Variants in HDHD2 observed in about 807,000 individuals in gnomAD.
The protein encoded by HDHD2 is haloacid dehalogenase-like hydrolase domain-containing protein 2.
In HDHD2, 26 loss-of-function variants were observed where a neutral mutation model predicts 24.8. The observed-to-expected ratio is 1.05, with a 90% CI of 0.77 to 1.45. HDHD2 has a LOEUF of 1.45. Among genes scored for constraint, HDHD2 ranks in the 40% most tolerant of loss-of-function variants. HDHD2 has a pLI of 0.00. For missense variants in HDHD2, 299 were observed against 313.4 expected, an observed-to-expected ratio of 0.95 and a Z score of 0.35; for synonymous variants, 128 against 114.9, an observed-to-expected ratio of 1.11 and a Z score of -0.73.
chr18:47,114,000 C>CT (rs2063537100), intron 5 of HDHD2, among the ~76,000 whole-genome samples: 1 of 152,184 alleles, frequency 6.6e-6, no homozygotes, highest in Non-Finnish European at 1.5e-5. Context: ...TGCAGCACAG[C>CT]TGTTGCATCC....
At chr18:47,149,102 T>C (rs2063903188) in intron 1 of HDHD2, 1 of 152,192 alleles carries the variant, frequency 6.6e-6, no homozygotes, top group Non-Finnish European at 1.5e-5. Flanking sequence ...GTTATGTATG[T>C]GGAGGGCTGG....
intron 1 of HDHD2, among the ~76,000 whole-genome samples, chr18:47,138,171 CAAAAAAAAAA>C (rs58644217): frequency 1.8e-3 from 101 of 54,916 alleles, no homozygotes; most frequent in South Asian, 0.017. Flanking sequence ...GATTCTGTCG[CAAAAAAAAAA>C]AAAAAAAAAA....
chr18:47,137,154 A>G, intron 1 of HDHD2: 1 of 721,852 alleles, frequency 1.4e-6, no homozygotes, highest in Non-Finnish European at 2.6e-6. Flanking sequence ...CTAATGAAAG[A>G]CTATTGTGAA....
intron 3 of HDHD2, among the ~76,000 whole-genome samples, chr18:47,133,560 T>C: frequency 6.6e-6 from 1 of 150,534 alleles, no homozygotes; most frequent in South Asian, 2.1e-4. Context: ...CGCCACACTG[T>C]CTTCCACAAT....
intron 4 of HDHD2, among the ~76,000 whole-genome samples, chr18:47,129,564 C>CTTCA (rs2063692068): frequency 6.6e-6 from 1 of 152,120 alleles, no homozygotes; most frequent in Non-Finnish European, 1.5e-5. Context: ...ATCTGTTTTT[C>CTTCA]TTCATCTCCA....
At chr18:47,139,520 G>T (rs2063800805) in intron 1 of HDHD2, among the ~76,000 whole-genome samples, 2 of 144,716 alleles carry the variant, frequency 1.4e-5, no homozygotes, top group African/African-American at 5.1e-5. Flanking sequence ...ATAAATGTAA[G>T]TAAGTGTTTC....
chr18:47,116,043 TC>T (rs1226806660), intron 4 of HDHD2, among the ~76,000 whole-genome samples: 1 of 152,148 alleles, frequency 6.6e-6, no homozygotes, highest in African/African-American at 2.4e-5. Context: ...TAAAGAGTTT[TC>T]CCATTATTTT....
At chr18:47,136,487 G>A (rs1264662742) in intron 1 of HDHD2, 38 bp from the exon 2 acceptor site, 10 of 1,560,200 alleles carry the variant, frequency 6.4e-6, no homozygotes, top group Non-Finnish European at 8.8e-6. Context: ...TACAGTTTAG[G>A]AAACAATGGA....
intron 4 of HDHD2, among the ~76,000 whole-genome samples, chr18:47,122,178 G>A (rs1043459556): frequency 5.3e-5 from 8 of 152,168 alleles, no homozygotes; most frequent in African/African-American, 1.9e-4. Context: ...AATCATGGAT[G>A]AACCTCTGCA....
At position 47,112,992 on chromosome 18, in the gene HDHD2, T is replaced by C. The variant is rs769617060; in HGVS notation, c.661A>G (p.Ile221Val). ...GGAQDVGMLG[I>V]LVKTGKYRAS... ...AGATACATACCAGTCTTTACTAAGA[T>C]GCCCAGCATGCCGACATCTTGAGCC... Residue 221 changes from isoleucine to valine, a missense_variant, in exon 6 of 7, where the codon ATC becomes GTC. Coordinates refer to ENST00000300605, the MANE Select transcript of HDHD2 (RefSeq NM_032124.5). 1.5e-5 allele frequency: 25 copies of C among 1,613,896 alleles called. No homozygotes were observed. Among genetic ancestry groups the C allele is most frequent in the Non-Finnish European group, 1.9e-5 (22 of 1,179,862 alleles).
intron 6 of HDHD2, chr18:47,111,539 C>T (rs2063516337): frequency 1.0e-6 from 1 of 985,238 alleles, no homozygotes; most frequent in Non-Finnish European, 1.2e-6. Flanking sequence ...CTTTTCCAGA[C>T]TTCATTTCAT....
chr18:47,110,535 T>C (rs1272961965), intron 6 of HDHD2: 1 of 985,208 alleles, frequency 1.0e-6, no homozygotes, highest in African/African-American at 1.7e-5. Context: ...TTCCTAGCCA[T>C]GGAGTTAAAG....
chr18:47,109,810 T>G, intron 6 of HDHD2: 1 of 203,068 alleles, frequency 4.9e-6, no homozygotes, highest in Non-Finnish European at 8.7e-6. Context: ...TAATTATGCA[T>G]TTATTTGTTT....
chr18:47,137,915 A>C (rs557693506), intron 1 of HDHD2, among the ~76,000 whole-genome samples: 5 of 151,434 alleles, frequency 3.3e-5, no homozygotes, highest in African/African-American at 9.7e-5. Flanking sequence ...GCAGTGGCTT[A>C]GCACTTTTGG....
intron 6 of HDHD2, chr18:47,110,467 A>C (rs2063506740): frequency 1.0e-6 from 1 of 984,934 alleles, no homozygotes; most frequent in Non-Finnish European, 1.2e-6. Context: ...TTAATGACTA[A>C]ATATTACTAT....
At chr18:47,142,914 T>C (rs2063832703) in intron 1 of HDHD2, among the ~76,000 whole-genome samples, 1 of 152,190 alleles carries the variant, frequency 6.6e-6, no homozygotes, top group Non-Finnish European at 1.5e-5. Flanking sequence ...TCTAACTTTT[T>C]CTAAAGGTTC....
intron 4 of HDHD2, among the ~76,000 whole-genome samples, chr18:47,123,828 C>G (rs917106876): frequency 5.3e-5 from 8 of 152,162 alleles, no homozygotes; most frequent in Non-Finnish European, 1.0e-4. Flanking sequence ...AAGGAAGGAT[C>G]AAACTCCCAG....
rs1175794654 is a variant in HDHD2, at chr18:47,129,709, A to G, written c.395+535T>C. Among the ~76,000 whole-genome samples, 3 of 152,148 alleles carry G rather than the reference A, an allele frequency of 2.0e-5. No individual in the cohort carries two copies. The East Asian group carries it at 5.8e-4, about 29-fold the overall frequency. On this transcript the variant is annotated intron_variant, in intron 4 of 6. Transcript: ENST00000300605. Reference sequence around the variant, plus strand: ...GAATCGCATTTATTGTTTTTGGTGGATCAGCCTGGATACTGTTTTCCTTTG... The same window carrying G: ...GAATCGCATTTATTGTTTTTGGTGGGTCAGCCTGGATACTGTTTTCCTTTG...
intron 4 of HDHD2, among the ~76,000 whole-genome samples, chr18:47,123,648 TTAACAAAA>T (rs1382501392): frequency 6.6e-6 from 1 of 151,896 alleles, no homozygotes; most frequent in Non-Finnish European, 1.5e-5. Flanking sequence ...AGACAAGAAT[TTAACAAAA>T]TGTCTAAGAC....
Sources: gnomAD v4.1 joint callset for allele counts (sites outside exome capture counted in the v4.1 genomes callset) on GRCh38, gnomAD v4.1.1 for gene constraint, MANE v1.5 for transcripts, NCBI Gene and HGNC (gene_info 2026-07-23, HGNC 2026-07-21) for gene names.